The following TBC1D22A variants were observed in gnomAD, a reference collection of about 807,000 sequenced individuals.
TBC1D22A encodes the protein TBC1 domain family member 22A, also known as putative GTPase activator.
Under a neutral mutation model 60.2 loss-of-function variants are expected in TBC1D22A, and 38 were observed. The ratio of observed to expected loss-of-function variants is 0.63; its 90% confidence interval spans 0.49 to 0.83. The LOEUF (loss-of-function observed/expected upper bound fraction) is 0.83. Among genes scored for constraint, TBC1D22A ranks in the 40% least tolerant of loss-of-function variants. The pLI is 0.00. For missense variants in TBC1D22A, 628 were observed against 701.0 expected, an observed-to-expected ratio of 0.90 and a Z score of 1.18; for synonymous variants, 302 against 281.7, an observed-to-expected ratio of 1.07 and a Z score of -0.72.
rs9616199 is a variant in TBC1D22A at position 47,015,816 on chromosome 22, G to T, written c.1201+18107G>T. ...AGCCTGGCGTCTGGAGCATTTCGGG[G>T]TCTTGGCCTTACGCTGCCCTATGTA... is the stretch of plus-strand genomic sequence containing the variant. On this transcript the variant is annotated intron_variant, in intron 10 of 12. Transcript: ENST00000337137. 2.5e-3 allele frequency among the ~76,000 whole-genome samples: 386 copies of T among 152,332 alleles called. 4 individuals are homozygous for T. Among genetic ancestry groups the T allele is most frequent in the Non-Finnish European group, 3.4e-3 (234 of 68,026 alleles).
intron 10 of TBC1D22A, among the ~76,000 whole-genome samples, chr22:47,003,389 CACCCTACACACACATGCCTGTACACACAT>C (rs1408198568): frequency 9.2e-5 from 14 of 151,760 alleles, no homozygotes; most frequent in Admixed American, 3.3e-4. Context: ...TACGCACACA[CACCCTACACACACATGCCTGTACACACAT>C]ACCCTACGCA....
At chr22:46,971,897 C>G (rs1263824195) in intron 8 of TBC1D22A, among the ~76,000 whole-genome samples, 1 of 152,214 alleles carries the variant, frequency 6.6e-6, no homozygotes, top group Non-Finnish European at 1.5e-5. Context: ...GACCAGACAC[C>G]TTGCCACTTG....
intron 8 of TBC1D22A, among the ~76,000 whole-genome samples, chr22:46,922,637 G>T (rs1302823550): frequency 6.6e-6 from 1 of 152,166 alleles, no homozygotes; most frequent in African/African-American, 2.4e-5. Flanking sequence ...TCATTGTAGA[G>T]ATCTTATATG....
At chr22:47,145,899 C>T (rs555481576) in intron 12 of TBC1D22A, among the ~76,000 whole-genome samples, 3 of 151,596 alleles carry the variant, frequency 2.0e-5, no homozygotes, top group East Asian at 1.9e-4. Flanking sequence ...GGTGTGGGGA[C>T]GCACTGGATT....
intron 11 of TBC1D22A, among the ~76,000 whole-genome samples, chr22:47,093,352 A>AT (rs948570939): frequency 4.6e-5 from 7 of 151,898 alleles, no homozygotes; most frequent in South Asian, 2.1e-4. Flanking sequence ...AATCAAGGTC[A>AT]TTTTTTTTGA....
intron 1 of TBC1D22A, among the ~76,000 whole-genome samples, chr22:46,774,480 C>T (rs1461694242): frequency 6.6e-6 from 1 of 152,250 alleles, no homozygotes; most frequent in Non-Finnish European, 1.5e-5. Context: ...GGCACGTAGG[C>T]CCTTTGAGTC....
chr22:47,066,519 A>G (rs1453584543), intron 11 of TBC1D22A, among the ~76,000 whole-genome samples: 1 of 152,194 alleles, frequency 6.6e-6, no homozygotes, highest in East Asian at 1.9e-4. Flanking sequence ...CTCTGTTTGC[A>G]TCCCTTGGTG....
intron 12 of TBC1D22A, among the ~76,000 whole-genome samples, chr22:47,152,950 G>C (rs2067565285): frequency 6.6e-6 from 1 of 151,912 alleles, no homozygotes; most frequent in African/African-American, 2.4e-5. Context: ...GACTGAATAG[G>C]ACAAGAAAAG....
At chr22:46,986,834 G>T (rs557185306) in intron 9 of TBC1D22A, among the ~76,000 whole-genome samples, 1 of 152,202 alleles carries the variant, frequency 6.6e-6, no homozygotes, top group Non-Finnish European at 1.5e-5. Flanking sequence ...CTCGGGCTCT[G>T]TGGGTCAGGA....
At chr22:47,114,939 C>G (rs1229774493) in intron 12 of TBC1D22A, among the ~76,000 whole-genome samples, 1 of 151,818 alleles carries the variant, frequency 6.6e-6, no homozygotes, top group African/African-American at 2.4e-5. Context: ...GTCCCCTTGG[C>G]CTTTGAGCCT....
intron 11 of TBC1D22A, among the ~76,000 whole-genome samples, chr22:47,087,382 C>T (rs2064741895): frequency 6.6e-6 from 1 of 152,064 alleles, no homozygotes; most frequent in Non-Finnish European, 1.5e-5. Flanking sequence ...AAACTAAGCC[C>T]AAATCAGAAA....
chr22:47,154,592 C>A (rs940089448), intron 12 of TBC1D22A, among the ~76,000 whole-genome samples: 2 of 152,216 alleles, frequency 1.3e-5, no homozygotes, highest in Non-Finnish European at 2.9e-5. Flanking sequence ...AGCTGGGGGA[C>A]CCCAGCAGTG....
At chr22:46,853,965 A>T (rs879886127) in intron 4 of TBC1D22A, among the ~76,000 whole-genome samples, 21 of 151,760 alleles carry the variant, frequency 1.4e-4, no homozygotes, top group African/African-American at 1.5e-4. Context: ...TTCGTGAAAA[A>T]TTTTTTCCCA....
chr22:47,013,531 A>T (rs2061817955), intron 10 of TBC1D22A, among the ~76,000 whole-genome samples: 1 of 152,196 alleles, frequency 6.6e-6, no homozygotes. Context: ...TCATGGTTAC[A>T]AGTAGCTAGA....
In TBC1D22A at chr22:46,850,093, G is replaced by C. The variant is rs377509859; in HGVS notation, c.638-28560G>C. Among the ~76,000 whole-genome samples, 7 of 152,318 alleles carry C rather than the reference G, an allele frequency of 4.6e-5. No homozygotes were observed. In the East Asian group the frequency reaches 1.2e-3, roughly 25 times the overall value. On this transcript the variant is annotated intron_variant, in intron 4 of 12. Transcript: ENST00000337137. Reference sequence around the variant, plus strand: ...CATCTGTGCAGCAGCTCGACTGCATGCCTGCTGTGTGCTGGAGTGCATGGT... The same window carrying C: ...CATCTGTGCAGCAGCTCGACTGCATCCCTGCTGTGTGCTGGAGTGCATGGT...
intron 12 of TBC1D22A, among the ~76,000 whole-genome samples, chr22:47,126,786 G>A (rs1191544989): frequency 6.6e-6 from 1 of 152,218 alleles, no homozygotes; most frequent in African/African-American, 2.4e-5. Context: ...TCTACTGGGG[G>A]CACCCAGGGA....
intron 9 of TBC1D22A, among the ~76,000 whole-genome samples, chr22:46,992,306 G>C (rs151128393): frequency 2.0e-5 from 3 of 152,270 alleles, no homozygotes; most frequent in Admixed American, 6.5e-5. Flanking sequence ...GGGACGACCC[G>C]TCCGAAACGT....
intron 11 of TBC1D22A, among the ~76,000 whole-genome samples, chr22:47,077,333 C>A (rs932517637): frequency 1.3e-5 from 2 of 152,188 alleles, no homozygotes; most frequent in Non-Finnish European, 2.9e-5. Context: ...ACTCAGTCTT[C>A]ACCAGTATGT....
intron 8 of TBC1D22A, among the ~76,000 whole-genome samples, chr22:46,947,633 G>T (rs1484093006): frequency 6.6e-6 from 1 of 152,272 alleles, no homozygotes; most frequent in South Asian, 2.1e-4. Context: ...TGTGTTGCAC[G>T]TCCTAGTTTC....
Sources: allele counts gnomAD v4.1 joint callset (sites outside exome capture counted in the v4.1 genomes callset), GRCh38; gene constraint gnomAD v4.1.1; transcripts MANE v1.5; gene names NCBI Gene and HGNC (gene_info 2026-07-23, HGNC 2026-07-21).